RPS6KA1: variants seen among roughly 807,000 people sequenced by gnomAD.
The protein encoded by RPS6KA1 is ribosomal protein S6 kinase alpha-1.
A neutral mutation model predicts 91.3 loss-of-function variants in RPS6KA1; 48 were observed. The observed-to-expected ratio is 0.53, with a 90% CI of 0.42 to 0.67. The LOEUF (loss-of-function observed/expected upper bound fraction) is 0.67. RPS6KA1 is among the 30% of genes least tolerant of loss of function. The pLI, the probability that RPS6KA1 is intolerant of heterozygous loss-of-function variation, is 0.00. For synonymous variants in RPS6KA1, 359 were observed against 384.7 expected, an observed-to-expected ratio of 0.93 and a Z score of 0.78; for missense variants, 719 against 960.5, an observed-to-expected ratio of 0.75 and a Z score of 3.32.
intron 13 of RPS6KA1, 126 bp downstream of exon 13, chr1:26,557,226 G>T (rs926059698): frequency 2.8e-6 from 2 of 701,850 alleles, no homozygotes; most frequent in African/African-American, 1.8e-5. Flanking sequence ...TGGGCAGGCG[G>T]GTGAGTTTCT....
rs185526993 is a variant in RPS6KA1, at chr1:26,573,421, G to A, written c.2085+60G>A. ...GGTCAGCCCAAGGTGGCATGGTCAG[G>A]GACTTGTGGAAGAGCCAGGCAATGC... is the stretch of plus-strand genomic sequence containing the variant. On this transcript the variant is annotated intron_variant, in intron 21 of 21. Transcript: ENST00000374168. The A allele has an allele frequency of 2.9e-5, 47 of 1,599,464 alleles. No homozygotes were observed. In the East Asian group the frequency reaches 8.3e-4, roughly 28 times the overall value.
In RPS6KA1 at chr1:26,554,651, C is replaced by T. The variant is rs147965368; in HGVS notation, c.669C>T (p.Cys223=). The T allele has an allele frequency of 1.9e-4, 310 of 1,613,768 alleles. 1 individual carries two copies. Among genetic ancestry groups the T allele is most frequent in the Admixed American group, 8.3e-4 (50 of 59,976 alleles). ...IDHEKKAYSF[C]GTVEYMAPEV... ...ACGAGAAGAAGGCCTATTCTTTCTG[C>T]GGGACAGTGGAGTACATGGCCCCTG... Residue 223 remains cysteine, a synonymous_variant, in exon 9 of 22, where the codon TGC becomes TGT. Coordinates refer to ENST00000374168, the MANE Select transcript of RPS6KA1 (RefSeq NM_002953.4). This position sits in a 1 kb window ranked among gnomAD's most constrained non-coding sequence, Gnocchi z 4.6.
chr1:26,534,448 C>T (rs2075891655), intron 1 of RPS6KA1, among the ~76,000 whole-genome samples: 1 of 152,076 alleles, frequency 6.6e-6, no homozygotes, highest in Non-Finnish European at 1.5e-5. Context: ...GAATTCAGTC[C>T]TGATAAAAGA....
At chr1:26,530,569 G>A (rs1161213827) in intron 1 of RPS6KA1, among the ~76,000 whole-genome samples, 1 of 152,218 alleles carries the variant, frequency 6.6e-6, no homozygotes, top group Non-Finnish European at 1.5e-5. Flanking sequence ...AGGCTGTGGA[G>A]ACGAGAGTGG....
Position 26,571,749 on chromosome 1 carries a change from C to A in RPS6KA1, c.1753-100C>A. 6.7e-7 allele frequency: 1 copy of A among 1,484,000 alleles called. No individual in the cohort carries two copies. The highest frequency in any genetic ancestry group is 9.1e-7 in the Non-Finnish European group (1 of 1,093,204). The allele number at this position is 1,484,000 out of a possible 1,614,324, so 91.9% of individuals were successfully genotyped here. On this transcript the variant is annotated intron_variant, in intron 18 of 21. Transcript: ENST00000374168. The surrounding 1 kb of genome is among the most constrained non-coding windows in gnomAD (Gnocchi z 5.1). The stretch of plus-strand genomic sequence containing the variant: ...TGGCAAGGGAAGATCTAGCCTGTGC[C>A]TGGGACCCTTGTCCTGCCCTTGAGG...
chr1:26,569,253 C>G (rs1046397470), intron 17 of RPS6KA1, among the ~76,000 whole-genome samples: 8 of 152,092 alleles, frequency 5.3e-5, no homozygotes, highest in Non-Finnish European at 1.0e-4. Flanking sequence ...GTCCACCCGC[C>G]GAGGTGCAGT....
chr1:26,571,629 T>C lies in RPS6KA1; in HGVS notation c.1752+19T>C. Reference sequence around the variant, plus strand: ...GCCTGAGGTGAGTGGCCCAGCCTCCTCAGCTGTAAGAGTGAGGGGGAATTG... The same window carrying C: ...GCCTGAGGTGAGTGGCCCAGCCTCCCCAGCTGTAAGAGTGAGGGGGAATTG... On this transcript the variant is annotated intron_variant, in intron 18 of 21. Coordinates refer to ENST00000374168, the MANE Select transcript of RPS6KA1 (RefSeq NM_002953.4). This position sits in a 1 kb window ranked among gnomAD's most constrained non-coding sequence, Gnocchi z 5.1. The C allele has an allele frequency of 1.2e-6, 2 of 1,612,774 alleles. No homozygotes were observed. Among genetic ancestry groups the C allele is most frequent in the Non-Finnish European group, 1.7e-6 (2 of 1,179,320 alleles).
chr1:26,552,753 C>G, intron 6 of RPS6KA1: 1 of 291,118 alleles, frequency 3.4e-6, no homozygotes, highest in Non-Finnish European at 7.0e-6. Flanking sequence ...TCCCAAACTG[C>G]TGGCTGGGAT....
chr1:26,567,474 A>G (rs1461807491), intron 17 of RPS6KA1, among the ~76,000 whole-genome samples: 1 of 152,038 alleles, frequency 6.6e-6, no homozygotes, highest in Non-Finnish European at 1.5e-5. Context: ...TCCGCCTCCC[A>G]GGTTTAGGAG....
Position 26,543,066 on chromosome 1 carries a change from G to C in RPS6KA1, c.109-3801G>C, listed in dbSNP as rs960383434. ...CTGCAGAGGGGGAAGTGAGAAGGAG[G>C]GGGGCCAGAGACCCTGCCTTCTGGG... On this transcript the variant is annotated intron_variant, in intron 2 of 21. Coordinates refer to ENST00000374168, the MANE Select transcript of RPS6KA1 (RefSeq NM_002953.4). The C allele has an allele frequency of 1.2e-5, 16 of 1,342,194 alleles. No individual in the cohort carries two copies. The African/African-American group carries it at 2.0e-4, about 17-fold the overall frequency. 83.1% of individuals were successfully genotyped at this position (1,342,194 alleles called of 1,614,324 possible). A position where few individuals can be genotyped will look rare whatever the true frequency, so the allele number is the denominator to read the frequency against.
chr1:26,571,663 G>A lies in RPS6KA1; in HGVS notation c.1752+53G>A, dbSNP rs1484627671. On this transcript the variant is annotated intron_variant, in intron 18 of 21. Transcript: ENST00000374168. This position sits in a 1 kb window ranked among gnomAD's most constrained non-coding sequence, Gnocchi z 5.1. ...AGAGTGAGGGGGAATTGGAGGCCTT[G>A]TGCCCCCTCCCAGAGGCCCCACATT... 3 of 1,590,644 alleles carry A rather than the reference G, an allele frequency of 1.9e-6. No homozygotes were observed. The highest frequency in any genetic ancestry group is 2.6e-6 in the Non-Finnish European group (3 of 1,165,624).
In RPS6KA1 at chr1:26,571,344, C is replaced by T. The variant is rs957468775; in HGVS notation, c.1591-105C>T. The T allele has an allele frequency of 2.8e-5, 30 of 1,069,016 alleles. 1 individual carries two copies. The highest frequency in any genetic ancestry group is 1.3e-4 in the South Asian group (9 of 67,686). The allele number at this position is 1,069,016 out of a possible 1,614,324, so 66.2% of individuals were successfully genotyped here. ...CTCTCGGATGCCAAGTCCATGCACC[C>T]GTCCCTCTGCACCCTGTCTGTGTAG... On this transcript the variant is annotated intron_variant, in intron 17 of 21. Transcript: ENST00000374168. This position sits in a 1 kb window ranked among gnomAD's most constrained non-coding sequence, Gnocchi z 5.1.
chr1:26,560,094 A>G (rs888297558), intron 14 of RPS6KA1, among the ~76,000 whole-genome samples: 13 of 152,362 alleles, frequency 8.5e-5, no homozygotes, highest in South Asian at 8.3e-4. Context: ...AATAAAGTTA[A>G]GGTGACTATG....
chr1:26,567,403 C>T (rs574338124), intron 17 of RPS6KA1, among the ~76,000 whole-genome samples: 11 of 152,036 alleles, frequency 7.2e-5, no homozygotes, highest in African/African-American at 1.4e-4. Context: ...TGTTTTGAGA[C>T]GGAGTCTAGC....
chr1:26,530,071 C>G (rs563158750), intron 1 of RPS6KA1, 88 bp downstream of exon 1: 12 of 933,624 alleles, frequency 1.3e-5, no homozygotes, highest in South Asian at 4.2e-5. Context: ...CCGCTGCAGT[C>G]CGGCGGGCGC....
At chr1:26,545,509 G>T (rs2075986345) in intron 2 of RPS6KA1, among the ~76,000 whole-genome samples, 1 of 152,132 alleles carries the variant, frequency 6.6e-6, no homozygotes, top group East Asian at 1.9e-4. Context: ...GCTTCTGCCT[G>T]TTGGGTGTCT....
intron 1 of RPS6KA1, among the ~76,000 whole-genome samples, chr1:26,533,662 C>T (rs751633346): frequency 3.9e-5 from 6 of 152,052 alleles, no homozygotes; most frequent in Admixed American, 6.5e-5. Context: ...GCTGAGATTG[C>T]GCCGCTGCAC....
In RPS6KA1 at chr1:26,537,005, G is replaced by A. The variant is rs1021524027; in HGVS notation, c.108+36G>A. ...TGGCCAGCACCCTGAGCGAGGGGCTGTGGGGGATCCTGTTTGCATGGCTTT... is the reference window on the plus strand; with the variant it reads ...TGGCCAGCACCCTGAGCGAGGGGCTATGGGGGATCCTGTTTGCATGGCTTT... On this transcript the variant is annotated intron_variant, in intron 2 of 21. Coordinates refer to ENST00000374168, the MANE Select transcript of RPS6KA1 (RefSeq NM_002953.4). 37 of 1,611,708 alleles carry A rather than the reference G, an allele frequency of 2.3e-5. No individual in the cohort carries two copies. The East Asian group carries it at 7.6e-4, about 33-fold the overall frequency.
chr1:26,543,383 G>T (rs1337814921), intron 2 of RPS6KA1, among the ~76,000 whole-genome samples: 1 of 152,250 alleles, frequency 6.6e-6, no homozygotes, highest in African/African-American at 2.4e-5. Context: ...TGGAGGTTCA[G>T]ATCTCAGGGT....
Sources: gnomAD v4.1 joint callset for allele counts (sites outside exome capture counted in the v4.1 genomes callset) on GRCh38, gnomAD v4.1.1 for gene constraint, Gnocchi (gnomAD v3.1) non-coding constraint, MANE v1.5 for transcripts, NCBI Gene and HGNC (gene_info 2026-07-23, HGNC 2026-07-21) for gene names.